Variants in KCTD1 observed in about 807,000 individuals in gnomAD.
KCTD1 encodes the protein potassium channel tetramerization domain containing 1, also known as BTB/POZ domain-containing protein KCTD1.
Under a neutral mutation model 66.0 loss-of-function variants are expected in KCTD1, and 24 were observed. The ratio of observed to expected loss-of-function variants is 0.36; its 90% CI spans 0.26 to 0.51. The LOEUF (loss-of-function observed/expected upper bound fraction) is 0.51. KCTD1 is among the 20% of genes least tolerant of loss of function. KCTD1 has a pLI of 0.95. For missense variants in KCTD1, 943 were observed against 1,205.2 expected (o/e 0.78, Z 3.22); for synonymous variants, 511 against 517.2 (o/e 0.99, Z 0.16).
rs1982734041 is a variant in KCTD1 at position 26,501,047 on chromosome 18, C to T, written c.1988+25G>A. ...TTACCAAATACATGCACGTCGGAGT[C>T]TGATTTTTCAGTTTTTCAGATTACC... On this transcript the variant is annotated intron_variant, in intron 2 of 4. Transcript: ENST00000580059. 1.9e-6 allele frequency: 3 copies of T among 1,608,244 alleles called. No homozygotes were observed. The South Asian group carries it at 3.3e-5, about 18-fold the overall frequency.
chr18:26,476,833 C>A lies in KCTD1; in HGVS notation c.1989-174G>T. The A allele has an allele frequency of 1.7e-6, 1 of 592,048 alleles. No individual in the cohort carries two copies. Among genetic ancestry groups the A allele is most frequent in the South Asian group, 2.2e-5 (1 of 45,822 alleles). 36.7% of individuals were successfully genotyped at this position (592,048 alleles called of 1,614,324 possible). On this transcript the variant is annotated intron_variant, in intron 2 of 4. Coordinates refer to ENST00000580059, the MANE Select transcript of KCTD1 (RefSeq NM_001142730.3). The surrounding 1 kb of genome is among the most constrained non-coding windows in gnomAD (Gnocchi z 4.9). Reference sequence around the variant, plus strand: ...GCTTGATAAATATCTCAGGACGAGACCATTCAAAATAGTCCTAGGCTTTGT... The same window carrying A: ...GCTTGATAAATATCTCAGGACGAGAACATTCAAAATAGTCCTAGGCTTTGT...
At chr18:26,596,689 G>A (rs762672700) in intron 1 of KCTD1, among the ~76,000 whole-genome samples, 16 of 152,206 alleles carry the variant, frequency 1.1e-4, no homozygotes, top group Non-Finnish European at 2.2e-4. Flanking sequence ...CTGAAAAATG[G>A]AGGTAATATT....
At chr18:26,528,401 A>C (rs753446145) in intron 1 of KCTD1, among the ~76,000 whole-genome samples, 3 of 152,150 alleles carry the variant, frequency 2.0e-5, no homozygotes, top group Non-Finnish European at 4.4e-5. Flanking sequence ...AAAGTTAATA[A>C]AACAATCTAA....
At chr18:26,593,882 T>TC (rs1568004037) in intron 1 of KCTD1, among the ~76,000 whole-genome samples, 1 of 88,260 alleles carries the variant, frequency 1.1e-5, no homozygotes, top group Admixed American at 1.2e-4. Flanking sequence ...AAGAGGAAGA[T>TC]AAGGAGGAGG....
chr18:26,540,121 T>C (rs1466148807), intron 1 of KCTD1, among the ~76,000 whole-genome samples: 1 of 152,134 alleles, frequency 6.6e-6, no homozygotes, highest in East Asian at 1.9e-4. Context: ...GGGGAGATAC[T>C]AGGCTGAACT....
chr18:26,652,389 G>A (rs931159437), intron 1 of KCTD1, among the ~76,000 whole-genome samples: 1 of 152,088 alleles, frequency 6.6e-6, no homozygotes, highest in Non-Finnish European at 1.5e-5. Context: ...CCCCTATGGA[G>A]AGAGTGATAT....
At chr18:26,642,507 T>A (rs1241486091), upstream of KCTD1, among the ~76,000 whole-genome samples, 1 of 152,258 alleles carries the variant, frequency 6.6e-6, no homozygotes, top group Non-Finnish European at 1.5e-5. Flanking sequence ...TGCTTAGGGC[T>A]ATTACCATTC....
chr18:26,577,758 G>C (rs988052112), intron 1 of KCTD1, among the ~76,000 whole-genome samples: 1 of 151,612 alleles, frequency 6.6e-6, no homozygotes, highest in Non-Finnish European at 1.5e-5. Flanking sequence ...TTTTTTTGTA[G>C]AGATGAGATT....
At chr18:26,633,995 A>G (rs1360428147), upstream of KCTD1, among the ~76,000 whole-genome samples, 1 of 152,220 alleles carries the variant, frequency 6.6e-6, no homozygotes, top group Non-Finnish European at 1.5e-5. Context: ...TCAAAAGGAA[A>G]GAACTACGCT....
intron 1 of KCTD1, among the ~76,000 whole-genome samples, chr18:26,581,974 G>A (rs181742705): frequency 8.2e-4 from 124 of 152,130 alleles, no homozygotes; most frequent in African/African-American, 2.6e-3. Context: ...CAATAGGAAA[G>A]TATGCAAATA....
At chr18:26,590,939 G>A (rs921143796) in intron 1 of KCTD1, among the ~76,000 whole-genome samples, 6 of 152,068 alleles carry the variant, frequency 3.9e-5, no homozygotes, top group African/African-American at 1.4e-4. Context: ...AATCATTGCT[G>A]CTTGTTTGAC....
At chr18:26,555,641 A>T (rs1022597851) in intron 1 of KCTD1, among the ~76,000 whole-genome samples, 13 of 152,234 alleles carry the variant, frequency 8.5e-5, no homozygotes, top group Non-Finnish European at 1.3e-4. Context: ...GGTATATGTC[A>T]CAAACTATGC....
upstream of KCTD1, chr18:26,549,312 A>G: frequency 1.0e-6 from 1 of 985,356 alleles, no homozygotes; most frequent in Non-Finnish European, 1.2e-6. Context: ...CGACTCTTGC[A>G]AAGGAGCGAA....
rs1984020726 is a variant in KCTD1 at position 26,523,619 on chromosome 18, C to T, written c.1810-22369G>A. On this transcript the variant is annotated intron_variant, in intron 1 of 4. Coordinates refer to ENST00000580059, the MANE Select transcript of KCTD1 (RefSeq NM_001142730.3). ...GGGACAACACAGCGAGATCCTCTCTCAAACAAATAAATAATAAAATTAAAA... is the reference window on the plus strand; with the variant it reads ...GGGACAACACAGCGAGATCCTCTCTTAAACAAATAAATAATAAAATTAAAA... 1.9e-4 allele frequency among the ~76,000 whole-genome samples: 15 copies of T among 80,546 alleles called. No individual in the cohort carries two copies. The South Asian group carries it at 6.9e-3, about 37-fold the overall frequency. 52.8% of individuals were successfully genotyped at this position (80,546 alleles called of 152,430 possible). A position where few individuals can be genotyped will look rare whatever the true frequency, so the allele number is the denominator to read the frequency against.
At chr18:26,490,296 A>AAC (rs1463423347) in intron 2 of KCTD1, among the ~76,000 whole-genome samples, 2 of 152,216 alleles carry the variant, frequency 1.3e-5, no homozygotes, top group Non-Finnish European at 2.9e-5. Context: ...AGATTAAGTA[A>AAC]ACAGCAGGTG....
intron 1 of KCTD1, among the ~76,000 whole-genome samples, chr18:26,521,126 G>A (rs1418451872): frequency 1.3e-5 from 2 of 152,232 alleles, no homozygotes; most frequent in Non-Finnish European, 2.9e-5. Flanking sequence ...CCCTGGAGAT[G>A]GGGGGAACCT....
intron 1 of KCTD1, among the ~76,000 whole-genome samples, chr18:26,507,713 T>TA (rs1278386564): frequency 7.9e-5 from 12 of 151,470 alleles, no homozygotes; most frequent in Non-Finnish European, 1.0e-4. Flanking sequence ...TTTTTTTTTT[T>TA]AAAAAAAGAA....
intron 1 of KCTD1, among the ~76,000 whole-genome samples, chr18:26,577,840 C>G (rs1292401316): frequency 1.3e-5 from 2 of 152,056 alleles, no homozygotes; most frequent in Non-Finnish European, 2.9e-5. Context: ...TCCCAAAGTG[C>G]TGGAATTACA....
chr18:26,627,912 G>A (rs1338399196), intron 1 of KCTD1, among the ~76,000 whole-genome samples: 1 of 152,150 alleles, frequency 6.6e-6, no homozygotes, highest in Non-Finnish European at 1.5e-5. Context: ...ACTTGGTGGT[G>A]GAACTGCTTT....
Sources: gnomAD v4.1 joint callset for allele counts (sites outside exome capture counted in the v4.1 genomes callset) on GRCh38, gnomAD v4.1.1 for gene constraint, Gnocchi (gnomAD v3.1) non-coding constraint, MANE v1.5 for transcripts, NCBI Gene and HGNC (gene_info 2026-07-23, HGNC 2026-07-21) for gene names.